The following PDE4B variants were observed in gnomAD, a reference collection of about 807,000 sequenced individuals.
The protein encoded by PDE4B is 3',5'-cyclic-AMP phosphodiesterase 4B.
A neutral mutation model predicts 82.2 loss-of-function variants in PDE4B; 20 were observed. The ratio of observed to expected loss-of-function variants is 0.24; its 90% confidence interval spans 0.17 to 0.35. PDE4B has a LOEUF of 0.35. Among genes scored for constraint, PDE4B ranks in the 10% least tolerant of loss-of-function variants. The pLI, the probability that PDE4B is intolerant of heterozygous loss-of-function variation, is 1.00. For synonymous variants in PDE4B, 320 were observed against 318.9 expected (o/e 1.00, Z -0.04); for missense variants, 655 against 907.2 (o/e 0.72, Z 3.57).
intron 4 of PDE4B, among the ~76,000 whole-genome samples, chr1:66,250,903 T>A (rs1653721042): frequency 6.6e-6 from 1 of 152,206 alleles, no homozygotes. Context: ...AAGAAGCTTT[T>A]GAAAGCCACC....
intron 3 of PDE4B, among the ~76,000 whole-genome samples, chr1:65,996,641 A>C (rs1020534915): frequency 7.9e-5 from 12 of 152,196 alleles, no homozygotes; most frequent in Non-Finnish European, 1.6e-4. Flanking sequence ...TACCTGCTGC[A>C]GATATCAAAA....
intron 3 of PDE4B, among the ~76,000 whole-genome samples, chr1:65,921,252 G>A (rs1359094781): frequency 1.3e-5 from 2 of 152,034 alleles, no homozygotes; most frequent in Non-Finnish European, 2.9e-5. Flanking sequence ...ACAGGTGTGA[G>A]CCACCGCGCC....
intron 1 of PDE4B, among the ~76,000 whole-genome samples, chr1:65,849,160 C>T (rs1646301349): frequency 6.6e-6 from 1 of 152,080 alleles, no homozygotes; most frequent in African/African-American, 2.4e-5. Flanking sequence ...TGTAAAATGT[C>T]TCACTAACAG....
intron 3 of PDE4B, among the ~76,000 whole-genome samples, chr1:66,040,819 C>T (rs1557517808): frequency 6.6e-6 from 1 of 151,742 alleles, no homozygotes; most frequent in Non-Finnish European, 1.5e-5. Flanking sequence ...AGTATAGAGG[C>T]CATTTGGAAA....
chr1:65,868,802 T>C (rs993932037), intron 1 of PDE4B, among the ~76,000 whole-genome samples: 2 of 152,190 alleles, frequency 1.3e-5, no homozygotes, highest in African/African-American at 2.4e-5. Flanking sequence ...TAGGTTTTCA[T>C]AGGAGTGCAA....
chr1:65,861,205 A>C (rs778871141), intron 1 of PDE4B, among the ~76,000 whole-genome samples: 2 of 152,178 alleles, frequency 1.3e-5, no homozygotes, highest in Non-Finnish European at 2.9e-5. Context: ...TCTTTAATCC[A>C]TCTTGAGTTA....
intron 3 of PDE4B, among the ~76,000 whole-genome samples, chr1:65,942,541 C>T (rs1210551976): frequency 2.6e-5 from 4 of 151,910 alleles, no homozygotes; most frequent in African/African-American, 9.7e-5. Context: ...TAGATGTATA[C>T]CCAGTAGTGA....
intron 3 of PDE4B, among the ~76,000 whole-genome samples, chr1:66,102,300 C>A (rs539179498): frequency 3.3e-5 from 5 of 152,118 alleles, no homozygotes; most frequent in African/African-American, 1.2e-4. Flanking sequence ...ATTTCATCAT[C>A]GTGTTTTCGG....
At chr1:65,814,063 A>G (rs752801149) in intron 1 of PDE4B, among the ~76,000 whole-genome samples, 8 of 152,200 alleles carry the variant, frequency 5.3e-5, no homozygotes, top group Non-Finnish European at 1.2e-4. Context: ...GGTATTACCC[A>G]GAGTCGAGAG....
chr1:66,233,173 T>C (rs1392953340), intron 3 of PDE4B, among the ~76,000 whole-genome samples: 1 of 152,214 alleles, frequency 6.6e-6, no homozygotes, highest in Non-Finnish European at 1.5e-5. Flanking sequence ...ACCTATCTTC[T>C]TTCTGTCACC....
intron 3 of PDE4B, among the ~76,000 whole-genome samples, chr1:66,016,517 A>C (rs1557499669): frequency 6.6e-6 from 1 of 152,216 alleles, no homozygotes; most frequent in Non-Finnish European, 1.5e-5. Flanking sequence ...TTTAAGGAAG[A>C]GTATATATTA....
chr1:66,367,490 C>T (rs1663334753), intron 13 of PDE4B: 1 of 475,874 alleles, frequency 2.1e-6, no homozygotes, highest in Non-Finnish European at 3.7e-6. Context: ...ACAGGGAAAG[C>T]TTATACACCA....
At chr1:66,013,684 A>G (rs760532800) in intron 3 of PDE4B, among the ~76,000 whole-genome samples, 56 of 152,106 alleles carry the variant, frequency 3.7e-4, no homozygotes, top group Admixed American at 1.4e-3. Flanking sequence ...TTTTTAAAAA[A>G]AAAATAACTC....
intron 3 of PDE4B, among the ~76,000 whole-genome samples, chr1:66,165,190 T>G (rs1396503899): frequency 2.0e-5 from 3 of 152,220 alleles, no homozygotes; most frequent in Admixed American, 6.5e-5. Flanking sequence ...AAATTTTTCA[T>G]ACTTCAGAGA....
intron 1 of PDE4B, among the ~76,000 whole-genome samples, chr1:65,879,955 A>C (rs1646691589): frequency 6.6e-6 from 1 of 152,186 alleles, no homozygotes; most frequent in African/African-American, 2.4e-5. Flanking sequence ...GGAATTACAA[A>C]GGAAAAATGC....
intron 3 of PDE4B, among the ~76,000 whole-genome samples, chr1:65,930,251 C>A (rs912818275): frequency 1.3e-5 from 2 of 152,186 alleles, no homozygotes; most frequent in African/African-American, 4.8e-5. Context: ...AAGGGTGAAT[C>A]CTCTTTCCCG....
intron 3 of PDE4B, among the ~76,000 whole-genome samples, chr1:65,985,386 A>G (rs900664869): frequency 2.6e-4 from 39 of 152,204 alleles, no homozygotes; most frequent in African/African-American, 9.4e-4. Context: ...GCAATTATTT[A>G]CATTTAAAAT....
chr1:66,205,245 T>C (rs1649453479), intron 3 of PDE4B, among the ~76,000 whole-genome samples: 1 of 152,214 alleles, frequency 6.6e-6, no homozygotes, highest in Non-Finnish European at 1.5e-5. Flanking sequence ...CAAGACATAG[T>C]TGCTTCTACT....
At chr1:66,189,424 G>C (rs1483947352) in intron 3 of PDE4B, among the ~76,000 whole-genome samples, 1 of 152,220 alleles carries the variant, frequency 6.6e-6, no homozygotes, top group Non-Finnish European at 1.5e-5. Flanking sequence ...ATCCTGCAGA[G>C]TGTTTTCCAA....
Sources: gnomAD v4.1 joint callset for allele counts (sites outside exome capture counted in the v4.1 genomes callset) on GRCh38, gnomAD v4.1.1 for gene constraint, MANE v1.5 for transcripts, NCBI Gene and HGNC (gene_info 2026-07-23, HGNC 2026-07-21) for gene names.